The following PATJ variants were observed in gnomAD, a reference collection of about 807,000 sequenced individuals.
The protein encoded by PATJ is PATJ crumbs cell polarity complex component.
A neutral mutation model predicts 224.9 loss-of-function variants in PATJ; 190 were observed. The ratio of observed to expected loss-of-function variants is 0.84; its 90% CI spans 0.75 to 0.95. PATJ has a LOEUF of 0.95. PATJ is among the 40% of genes least tolerant of loss of function. PATJ has a pLI of 0.00. For synonymous variants in PATJ, 769 were observed against 820.3 expected (o/e 0.94, Z 1.07); for missense variants, 2,121 against 2,270.3 (o/e 0.93, Z 1.34).
At chr1:61,979,889 G>T (rs1394103890) in intron 27 of PATJ, among the ~76,000 whole-genome samples, 1 of 152,006 alleles carries the variant, frequency 6.6e-6, no homozygotes, top group Non-Finnish European at 1.5e-5. Flanking sequence ...TCTTCTCTGT[G>T]TCCCTGTGTC....
At chr1:61,748,957 G>A (rs1222047528) in intron 1 of PATJ, among the ~76,000 whole-genome samples, 2 of 151,980 alleles carry the variant, frequency 1.3e-5, no homozygotes, top group African/African-American at 4.8e-5. Context: ...CCTCTTTAGT[G>A]TTTGCAGTAT....
At position 61,791,485 on chromosome 1, in the gene PATJ, A is replaced by G. The variant is rs764338833; in HGVS notation, c.1168+38A>G. ...TTTCTATTTTATATTTGGAAATTGT[A>G]AAGGATGTTAAGGTTTCTAGATAGT... On this transcript the variant is annotated intron_variant, in intron 9 of 43. Coordinates refer to ENST00000642238, the MANE Select transcript of PATJ (RefSeq NM_001350145.3). 2.3e-6 allele frequency: 3 copies of G among 1,285,198 alleles called. No individual in the cohort carries two copies. The South Asian group carries it at 3.7e-5, about 16-fold the overall frequency. 79.6% of individuals were successfully genotyped at this position (1,285,198 alleles called of 1,614,324 possible).
chr1:62,111,181 T>A (rs1263576839), intron 34 of PATJ, among the ~76,000 whole-genome samples: 1 of 152,230 alleles, frequency 6.6e-6, no homozygotes, highest in Non-Finnish European at 1.5e-5. Context: ...GAACAGTATT[T>A]AGAGGCTTAG....
chr1:62,077,228 A>G (rs1405867352), intron 31 of PATJ, among the ~76,000 whole-genome samples: 1 of 152,308 alleles, frequency 6.6e-6, no homozygotes, highest in East Asian at 1.9e-4. Flanking sequence ...TGGCACACCT[A>G]CCTTCAATGA....
chr1:61,823,190 G>A, intron 15 of PATJ, 111 bp downstream of exon 15: 1 of 1,045,582 alleles, frequency 9.6e-7, no homozygotes, highest in Non-Finnish European at 1.4e-6. Flanking sequence ...AATGTAATAT[G>A]AGCCTCTTAG....
chr1:61,859,432 A>G (rs1480574615), intron 18 of PATJ, among the ~76,000 whole-genome samples: 2 of 152,002 alleles, frequency 1.3e-5, no homozygotes, highest in Non-Finnish European at 2.9e-5. Flanking sequence ...CTTTTTAACT[A>G]CTAAGTAAGC....
chr1:62,125,473 G>A (rs915652711), intron 39 of PATJ, among the ~76,000 whole-genome samples: 4 of 151,980 alleles, frequency 2.6e-5, no homozygotes, highest in Admixed American at 2.6e-4. Flanking sequence ...CTACAGCTTT[G>A]ACTAAATCTG....
chr1:61,961,147 G>A (rs12077515), intron 27 of PATJ, among the ~76,000 whole-genome samples: 2,989 of 152,264 alleles, frequency 0.02, 124 homozygotes, highest in African/African-American at 0.069. Context: ...ATGCCAACAG[G>A]GAGGCACTCA....
At chr1:62,159,923 G>A (rs1669683946) in intron 43 of PATJ, among the ~76,000 whole-genome samples, 1 of 152,068 alleles carries the variant, frequency 6.6e-6, no homozygotes, top group Non-Finnish European at 1.5e-5. Flanking sequence ...TGATTCCCCA[G>A]CACCTCAGGA....
chr1:61,987,453 G>A (rs1644825652), intron 27 of PATJ, among the ~76,000 whole-genome samples: 1 of 151,896 alleles, frequency 6.6e-6, no homozygotes, highest in South Asian at 2.1e-4. Flanking sequence ...TGTTAAAATT[G>A]GTGTTTCATG....
At chr1:61,805,109 T>A (rs956394213) in intron 12 of PATJ, among the ~76,000 whole-genome samples, 2 of 152,348 alleles carry the variant, frequency 1.3e-5, no homozygotes, top group Admixed American at 1.3e-4. Flanking sequence ...CAAAGCCACA[T>A]GCATTTTACT....
At chr1:61,939,122 CAAAAAAAAA>C (rs560139042) in intron 27 of PATJ, among the ~76,000 whole-genome samples, 6 of 57,486 alleles carry the variant, frequency 1.0e-4, no homozygotes, top group South Asian at 9.2e-4. Context: ...GACTCCATCT[CAAAAAAAAA>C]AAAAAAAAAA....
intron 31 of PATJ, among the ~76,000 whole-genome samples, chr1:62,067,584 G>A (rs1283413997): frequency 6.6e-6 from 1 of 152,166 alleles, no homozygotes; most frequent in Non-Finnish European, 1.5e-5. Context: ...TGGCCTACAT[G>A]CAGGAATGAT....
At chr1:61,782,982 A>G (rs576860202) in intron 7 of PATJ, among the ~76,000 whole-genome samples, 6 of 152,292 alleles carry the variant, frequency 3.9e-5, no homozygotes, top group African/African-American at 9.6e-5. Flanking sequence ...ACATTTTGGT[A>G]TGAAACAGTT....
chr1:61,805,071 T>C (rs1653256796), intron 12 of PATJ, among the ~76,000 whole-genome samples: 1 of 152,232 alleles, frequency 6.6e-6, no homozygotes, highest in Non-Finnish European at 1.5e-5. Flanking sequence ...TTAAATTAAA[T>C]CCTTCTATGT....
chr1:61,968,107 A>G (rs907816821), intron 27 of PATJ, among the ~76,000 whole-genome samples: 9 of 152,188 alleles, frequency 5.9e-5, no homozygotes, highest in African/African-American at 1.4e-4. Flanking sequence ...ACAAGTATCT[A>G]TGACTCTGTG....
intron 34 of PATJ, among the ~76,000 whole-genome samples, chr1:62,109,015 T>C (rs1252654316): frequency 6.6e-6 from 1 of 152,220 alleles, no homozygotes; most frequent in Non-Finnish European, 1.5e-5. Context: ...ATCTTCCCCC[T>C]ATGATGCTTA....
rs1658496505 is a variant in PATJ at position 61,827,569 on chromosome 1, C to T, written c.1966C>T (p.Leu656Phe). 6.2e-7 allele frequency: 1 copy of T among 1,613,594 alleles called. No individual in the cohort carries two copies. The highest frequency in any genetic ancestry group is 8.5e-7 in the Non-Finnish European group (1 of 1,179,790). Residue 656 changes from leucine (L) to phenylalanine (F), a missense_variant, in exon 16 of 44, where the codon CTT becomes TTT. Transcript: ENST00000642238. ...VDEPRRTETS[L>F]PETEVDHNMD... ...TGAACCAAGGCGCACTGAAACCTCT[C>T]TTCCTGAGACAGAGGTACTAAATGA...
chr1:62,063,138 A>G (rs1655838368), intron 31 of PATJ, among the ~76,000 whole-genome samples: 1 of 152,150 alleles, frequency 6.6e-6, no homozygotes, highest in African/African-American at 2.4e-5. Context: ...TTATACTTTT[A>G]GGTCTTAATT....
Sources: allele counts gnomAD v4.1 joint callset (sites outside exome capture counted in the v4.1 genomes callset), GRCh38; gene constraint gnomAD v4.1.1; transcripts MANE v1.5; gene names NCBI Gene and HGNC (gene_info 2026-07-23, HGNC 2026-07-21).